The following DPP10 variants were observed in gnomAD, a reference collection of about 807,000 sequenced individuals.
The protein encoded by DPP10 is dipeptidyl peptidase like 10.
In DPP10, 33 loss-of-function variants were observed where a neutral mutation model predicts 120.9. The observed-to-expected ratio is 0.27, with a 90% CI of 0.21 to 0.37. The LOEUF is 0.37. DPP10 is among the 10% of genes least tolerant of loss of function. DPP10 has a pLI of 1.00. For missense variants in DPP10, 816 were observed against 942.8 expected (o/e 0.87, Z 1.76); for synonymous variants, 337 against 326.1 (o/e 1.03, Z -0.36).
At chr2:115,087,510 TTTTTCTTTC>T (rs1242349993) in intron 1 of DPP10, among the ~76,000 whole-genome samples, 2 of 151,032 alleles carry the variant, frequency 1.3e-5, no homozygotes, top group Non-Finnish European at 2.9e-5. Context: ...TATGTCTTTC[TTTTTCTTTC>T]TTTCTTTTCT....
chr2:115,039,356 G>T (rs930746970), intron 1 of DPP10, among the ~76,000 whole-genome samples: 4 of 152,166 alleles, frequency 2.6e-5, no homozygotes, highest in African/African-American at 9.7e-5. Flanking sequence ...TAAATTAATT[G>T]TCAAACATAG....
At chr2:115,161,865 A>G in intron 1 of DPP10, 1 of 987,684 alleles carries the variant, frequency 1.0e-6, no homozygotes, top group Non-Finnish European at 1.3e-6. Flanking sequence ...TCCGGGAGCG[A>G]CGGGCGCCCG....
At chr2:115,237,588 C>T (rs2058067691) in intron 1 of DPP10, among the ~76,000 whole-genome samples, 1 of 152,188 alleles carries the variant, frequency 6.6e-6, no homozygotes, top group African/African-American at 2.4e-5. Context: ...ATAGCCAAGA[C>T]AGGCCAAAAG....
intron 1 of DPP10, among the ~76,000 whole-genome samples, chr2:114,683,734 C>G (rs532691001): frequency 6.6e-6 from 1 of 151,972 alleles, no homozygotes; most frequent in South Asian, 2.1e-4. Context: ...GAGGACAGTG[C>G]AGCTCAGCCC....
chr2:115,048,413 C>T (rs1705223588), intron 1 of DPP10, among the ~76,000 whole-genome samples: 1 of 152,170 alleles, frequency 6.6e-6, no homozygotes, highest in East Asian at 1.9e-4. Context: ...TTGCACTGGC[C>T]TTCTAACTGG....
chr2:115,319,794 C>G (rs553777560), intron 2 of DPP10, among the ~76,000 whole-genome samples: 1 of 152,244 alleles, frequency 6.6e-6, no homozygotes, highest in African/African-American at 2.4e-5. Context: ...GAGGGCTGCT[C>G]TCTGCTTCCA....
chr2:115,458,181 A>G (rs1179554159), intron 3 of DPP10, among the ~76,000 whole-genome samples: 1 of 152,156 alleles, frequency 6.6e-6, no homozygotes, highest in Non-Finnish European at 1.5e-5. Flanking sequence ...TATGAACATT[A>G]CACCCCCAAA....
At chr2:115,839,353 G>T (rs994912553) in intron 24 of DPP10, among the ~76,000 whole-genome samples, 1 of 152,040 alleles carries the variant, frequency 6.6e-6, no homozygotes, top group Non-Finnish European at 1.5e-5. Flanking sequence ...TATTGATAAG[G>T]CTGCCCTAAT....
At chr2:114,785,592 A>G (rs888091948) in intron 1 of DPP10, among the ~76,000 whole-genome samples, 1 of 152,164 alleles carries the variant, frequency 6.6e-6, no homozygotes, top group Admixed American at 6.5e-5. Context: ...CAGGCCTCAA[A>G]TGAGAAGCAT....
In DPP10 at chr2:115,053,154, C is replaced by G. The variant is rs1269342522; in HGVS notation, c.61-256085C>G. On this transcript the variant is annotated intron_variant, in intron 1 of 25. Coordinates refer to ENST00000410059, the MANE Select transcript of DPP10 (RefSeq NM_020868.6). ...GCTCAGGCGACTGAAAATAGTTGTT[C>G]ATAAGAAAACTCATGTTTAGAGCAG... Among the ~76,000 whole-genome samples the G allele has an allele frequency of 1.3e-5, 2 of 151,974 alleles. 1 individual carries two copies. Among genetic ancestry groups the G allele is most frequent in the Non-Finnish European group, 2.9e-5 (2 of 68,016 alleles).
chr2:115,106,796 C>T (rs1419592105), intron 1 of DPP10, among the ~76,000 whole-genome samples: 1 of 152,098 alleles, frequency 6.6e-6, no homozygotes, highest in Non-Finnish European at 1.5e-5. Context: ...TTAAACCGGG[C>T]CGGGCGCGGT....
intron 1 of DPP10, among the ~76,000 whole-genome samples, chr2:114,605,326 C>T (rs995174584): frequency 3.3e-5 from 5 of 152,202 alleles, no homozygotes; most frequent in African/African-American, 1.2e-4. Flanking sequence ...TTTCTACCAT[C>T]CCTGAAATAG....
chr2:115,006,190 C>T (rs1463583235), intron 1 of DPP10, among the ~76,000 whole-genome samples: 4 of 151,914 alleles, frequency 2.6e-5, no homozygotes, highest in East Asian at 3.9e-4. Flanking sequence ...CACCACCAGG[C>T]CTGCCCTAAA....
intron 1 of DPP10, among the ~76,000 whole-genome samples, chr2:114,663,271 T>TATACAC (rs375462897): frequency 8.8e-5 from 13 of 147,350 alleles, no homozygotes; most frequent in Non-Finnish European, 1.2e-4. Context: ...TATATATATA[T>TATACAC]ACACACACAT....
intron 5 of DPP10, among the ~76,000 whole-genome samples, chr2:115,597,440 A>G (rs1332631225): frequency 6.6e-6 from 1 of 152,054 alleles, no homozygotes; most frequent in African/African-American, 2.4e-5. Flanking sequence ...CGTAAGTACC[A>G]TGTACATAAT....
intron 1 of DPP10, among the ~76,000 whole-genome samples, chr2:114,467,867 A>G (rs1368738347): frequency 6.6e-6 from 1 of 152,010 alleles, no homozygotes; most frequent in African/African-American, 2.4e-5. Context: ...CCACAAAAAA[A>G]CATTAGCCAG....
intron 1 of DPP10, chr2:114,462,267 C>T: frequency 2.3e-6 from 1 of 440,212 alleles, no homozygotes; most frequent in Non-Finnish European, 3.0e-6. Flanking sequence ...TACTATAGTA[C>T]ATTTGTCACA....
At position 115,159,731 on chromosome 2, in the gene DPP10, C is replaced by T. The variant is rs541839666; in HGVS notation, c.61-149508C>T. 3.3e-5 allele frequency among the ~76,000 whole-genome samples: 5 copies of T among 152,260 alleles called. No homozygotes were observed. The East Asian group carries it at 7.7e-4, about 24-fold the overall frequency. Reference sequence around the variant, plus strand: ...TTATAAATAAAAAAATTCACGCACACATACACACACAGACCCCCACAATAC... The same window carrying T: ...TTATAAATAAAAAAATTCACGCACATATACACACACAGACCCCCACAATAC... On this transcript the variant is annotated intron_variant, in intron 1 of 25. Transcript: ENST00000410059.
chr2:114,656,311 AT>A (rs954505272), intron 1 of DPP10, among the ~76,000 whole-genome samples: 7 of 151,880 alleles, frequency 4.6e-5, no homozygotes, highest in Non-Finnish European at 7.4e-5. Flanking sequence ...GCTTGTTGAA[AT>A]TTTTTTTGGA....
Sources: gnomAD v4.1 joint callset for allele counts (sites outside exome capture counted in the v4.1 genomes callset) on GRCh38, gnomAD v4.1.1 for gene constraint, MANE v1.5 for transcripts, NCBI Gene and HGNC (gene_info 2026-07-23, HGNC 2026-07-21) for gene names.